ATRIP: variants seen among roughly 807,000 people sequenced by gnomAD.
ATRIP encodes the protein ATR interacting protein, also known as ATR-interacting protein.
Under a neutral mutation model 78.1 loss-of-function variants are expected in ATRIP, and 44 were observed. The ratio of observed to expected loss-of-function variants is 0.56; its 90% CI spans 0.44 to 0.72. The LOEUF (loss-of-function observed/expected upper bound fraction) is 0.72, where lower values mean the gene tolerates loss of function less well. Ranked by LOEUF, ATRIP falls within the 30% of genes least tolerant of loss-of-function variation. The pLI is 0.00. For synonymous variants in ATRIP, 388 were observed against 408.9 expected, an observed-to-expected ratio of 0.95 and a Z score of 0.62; for missense variants, 927 against 980.2, an observed-to-expected ratio of 0.95 and a Z score of 0.72.
intron 11 of ATRIP, 33 bp from the exon 12 acceptor site, chr3:48,464,798 A>G: frequency 6.2e-7 from 1 of 1,602,098 alleles, no homozygotes; most frequent in South Asian, 1.1e-5. Context: ...CCATGGTGGC[A>G]CCAGGCCTCA....
intron 8 of ATRIP, chr3:48,461,555 G>A (rs2040112589): frequency 6.6e-6 from 1 of 152,166 alleles, no homozygotes; most frequent in South Asian, 2.1e-4. Context: ...AATATTTTTG[G>A]TTGGTCTGGC....
rs200510205 is a variant in ATRIP at position 48,467,049 on chromosome 3, C to A, written c.*1495C>A. 3 of 1,613,992 alleles carry A rather than the reference C, an allele frequency of 1.9e-6. No individual in the cohort carries two copies. The highest frequency in any genetic ancestry group is 2.5e-6 in the Non-Finnish European group (3 of 1,180,044). On this transcript the variant is annotated 3_prime_UTR_variant, in exon 13 of 13. Transcript: ENST00000320211. ...ACACAATGGTGACCGCTACGACTTC[C>A]CCCTGCTCCAAGCAGAGCTGGCTAT...
Position 48,466,088 on chromosome 3 carries a change from TGGAA to T in ATRIP, c.*537_*540del. 5.4e-6 allele frequency: 2 copies of T among 371,360 alleles called. No individual in the cohort carries two copies. Among genetic ancestry groups the T allele is most frequent in the Non-Finnish European group, 1.0e-5 (2 of 193,390 alleles). 23.0% of individuals were successfully genotyped at this position (371,360 alleles called of 1,614,324 possible). On this transcript the variant is annotated 3_prime_UTR_variant, in exon 13 of 13. Transcript: ENST00000320211. ...ACCAGCAGGCCACAGCTGTGGATCT[TGGAA>T]GGCCTCTGGGGTCCCCCGGGAGCAG...
chr3:48,454,592 A>G (rs766052440), intron 4 of ATRIP, among the ~76,000 whole-genome samples, 174 bp downstream of exon 4: 19 of 152,198 alleles, frequency 1.2e-4, no homozygotes, highest in Non-Finnish European at 1.9e-4. Context: ...GGTTTGAGAC[A>G]TCACAGCATA....
chr3:48,465,390 G>T, intron 12 of ATRIP, 97 bp from the exon 13 acceptor site: 3 of 1,250,450 alleles, frequency 2.4e-6, no homozygotes, highest in Non-Finnish European at 3.5e-6. Context: ...GGAAGGGACT[G>T]GTTAGTTCCT....
rs760838030 is a variant in ATRIP, at chr3:48,466,995, C to T, written c.*1441C>T. ...CAACCTGCTCCTAGCCTTCCTGCGG[C>T]GCCAGCCACAGCCCTGGTGCCTGGT... is the stretch of plus-strand genomic sequence containing the variant. On this transcript the variant is annotated 3_prime_UTR_variant, in exon 13 of 13. Coordinates refer to ENST00000320211, the MANE Select transcript of ATRIP (RefSeq NM_130384.3). 1.4e-5 allele frequency: 22 copies of T among 1,613,510 alleles called. No homozygotes were observed. The highest frequency in any genetic ancestry group is 5.0e-5 in the Admixed American group (3 of 60,022).
chr3:48,463,011 G>A (rs1210633997), intron 8 of ATRIP, among the ~76,000 whole-genome samples: 1 of 152,194 alleles, frequency 6.6e-6, no homozygotes, highest in African/African-American at 2.4e-5. Context: ...TCTGTGCTTA[G>A]AAACTGCAGA....
At position 48,457,318 on chromosome 3, in the gene ATRIP, A is replaced by G; in HGVS notation, c.731A>G (p.Lys244Arg). 1 of 1,607,170 alleles carries G rather than the reference A, an allele frequency of 6.2e-7. No individual in the cohort carries two copies. Among genetic ancestry groups the G allele is most frequent in the Non-Finnish European group, 8.5e-7 (1 of 1,177,150 alleles). The change falls in exon 5 of 13, where the codon AAA becomes AGA. Residue 244 changes from lysine (K) to arginine (R), a missense_variant. By Grantham distance (26) the Lys-to-Arg change is conservative. Coordinates refer to ENST00000320211, the MANE Select transcript of ATRIP (RefSeq NM_130384.3). Reference sequence around the variant, plus strand: ...GAAGCATGTTCTCCACAATTTGGAAAAACATCTTTTCCTACAAAGGAGTCT... The same window carrying G: ...GAAGCATGTTCTCCACAATTTGGAAGAACATCTTTTCCTACAAAGGAGTCT... ...KPEACSPQFG[K>R]TSFPTKESFS...
In ATRIP at chr3:48,464,570, T is replaced by A; in HGVS notation, c.1975-12T>A. ...TTCTGCCCAGGATGGAACCAATCTG[T>A]TCTTGTTCTAGGTGGTGTGGCTCCT... is the stretch of plus-strand genomic sequence containing the variant. On this transcript the variant is annotated splice_polypyrimidine_tract_variant and intron_variant, in intron 10 of 12. Transcript: ENST00000320211. 1 of 1,613,908 alleles carries A rather than the reference T, an allele frequency of 6.2e-7. No homozygotes were observed. Among genetic ancestry groups the A allele is most frequent in the African/African-American group, 1.3e-5 (1 of 75,036 alleles).
At chr3:48,464,689 C>A in intron 11 of ATRIP, 27 bp downstream of exon 11, 1 of 1,613,856 alleles carries the variant, frequency 6.2e-7, no homozygotes, top group Non-Finnish European at 8.5e-7. Context: ...CAACAGCTGG[C>A]AGCTCTGGTG....
chr3:48,451,942 T>C (rs767876526), intron 3 of ATRIP, 43 bp downstream of exon 3: 1 of 1,542,664 alleles, frequency 6.5e-7, no homozygotes, highest in Non-Finnish European at 8.8e-7. Context: ...GCCTGCCCAC[T>C]GAGTTCCTTT....
At chr3:48,454,876 T>C (rs985813329) in intron 4 of ATRIP, among the ~76,000 whole-genome samples, 1 of 151,700 alleles carries the variant, frequency 6.6e-6, no homozygotes, top group African/African-American at 2.4e-5. Context: ...TTTTCTTTTT[T>C]TTTTGAGACA....
At position 48,464,827 on chromosome 3, in the gene ATRIP, T is replaced by C; in HGVS notation, c.2056-4T>C. 6.2e-7 allele frequency: 1 copy of C among 1,605,928 alleles called. No individual in the cohort carries two copies. The highest frequency in any genetic ancestry group is 2.2e-5 in the East Asian group (1 of 44,624). On this transcript the variant is annotated splice_region_variant and splice_polypyrimidine_tract_variant and intron_variant, in intron 11 of 12. Transcript: ENST00000320211. ...GGCCTCAGTCTGCACCCCCCCTCTC[T>C]CAGGTGGTCAGAGCGCTCACGGTGA... is the stretch of plus-strand genomic sequence containing the variant.
At chr3:48,464,497 G>T in intron 10 of ATRIP, 85 bp from the exon 11 acceptor site, 1 of 1,415,352 alleles carries the variant, frequency 7.1e-7, no homozygotes, top group Non-Finnish European at 1.0e-6. Context: ...GCTGAAGCAA[G>T]TGAACTCTTA....
intron 1 of ATRIP, among the ~76,000 whole-genome samples, chr3:48,449,470 G>A (rs2039777277): frequency 6.8e-6 from 1 of 148,102 alleles, no homozygotes; most frequent in Admixed American, 6.8e-5. Flanking sequence ...ATGTTCTTAG[G>A]TTGAAAAACA....
chr3:48,460,698 C>A lies in ATRIP; in HGVS notation c.1644C>A (p.Phe548Leu). 6.2e-7 allele frequency: 1 copy of A among 1,614,130 alleles called. No individual in the cohort carries two copies. The highest frequency in any genetic ancestry group is 8.5e-7 in the Non-Finnish European group (1 of 1,179,942). ...AGATGCTTCTTCACCTGTTGGCTTTCTCTTCTGCAGCAACAGGTCACCTTC... is the reference window on the plus strand; with the variant it reads ...AGATGCTTCTTCACCTGTTGGCTTTATCTTCTGCAGCAACAGGTCACCTTC... ...LLKMLLHLLA[F>L]SSAATGHLQA... is the part of the protein sequence containing the mutation. The change falls in exon 8 of 13, where the codon TTC becomes TTA. Residue 548 changes from phenylalanine to leucine, a missense_variant. Physicochemically the swap from Phe to Leu is conservative, Grantham distance 22 (BLOSUM62 0). Coordinates refer to ENST00000320211, the MANE Select transcript of ATRIP (RefSeq NM_130384.3).
At chr3:48,458,775 T>G (rs190673794) in intron 5 of ATRIP, among the ~76,000 whole-genome samples, 2 of 152,226 alleles carry the variant, frequency 1.3e-5, no homozygotes, top group African/African-American at 4.8e-5. Flanking sequence ...ACCCTCTTCT[T>G]ACCATCAACC....
chr3:48,466,356 G>A lies in ATRIP; in HGVS notation c.*802G>A, dbSNP rs2040295503. The A allele has an allele frequency of 2.4e-6, 3 of 1,229,498 alleles. No homozygotes were observed. In the Admixed American group the frequency reaches 5.8e-5, roughly 24 times the overall value. 76.2% of individuals were successfully genotyped at this position (1,229,498 alleles called of 1,614,324 possible). A position where few individuals can be genotyped will look rare whatever the true frequency, so the allele number is the denominator to read the frequency against. ...GGATGGCGCAGGGCAGGAGGGCCAT[G>A]GGTTCCCCCACCCCAGACTAAGGGG... On this transcript the variant is annotated 3_prime_UTR_variant, in exon 13 of 13. Coordinates refer to ENST00000320211, the MANE Select transcript of ATRIP (RefSeq NM_130384.3).
intron 8 of ATRIP, among the ~76,000 whole-genome samples, chr3:48,462,017 T>C (rs1411262276): frequency 6.6e-6 from 1 of 152,102 alleles, no homozygotes; most frequent in African/African-American, 2.4e-5. Context: ...TGGTTATTTG[T>C]TTAATAATTG....
Sources: gnomAD v4.1 joint callset for allele counts (sites outside exome capture counted in the v4.1 genomes callset) on GRCh38, gnomAD v4.1.1 for gene constraint, MANE v1.5 for transcripts, NCBI Gene and HGNC (gene_info 2026-07-23, HGNC 2026-07-21) for gene names.